The following PKHD1L1 variants were observed in gnomAD, a reference collection of about 807,000 sequenced individuals.
The protein encoded by PKHD1L1 is fibrocystin-L.
A neutral mutation model predicts 462.9 loss-of-function variants in PKHD1L1; 434 were observed. That is an observed-to-expected ratio of 0.94 (90% CI 0.87 to 1.02). The LOEUF is 1.02. Among genes scored for constraint, PKHD1L1 ranks in the 50% least tolerant of loss-of-function variants. PKHD1L1 has a pLI of 0.00. For missense variants in PKHD1L1, 5,202 were observed against 5,096.1 expected (o/e 1.02, Z -0.63); for synonymous variants, 1,781 against 1,750.0 (o/e 1.02, Z -0.44).
chr8:109,514,267 G>A (rs1008961004), intron 71 of PKHD1L1, among the ~76,000 whole-genome samples: 1 of 152,030 alleles, frequency 6.6e-6, no homozygotes, highest in Non-Finnish European at 1.5e-5. Context: ...ACGCCTCCTT[G>A]CTTGGCTCTC....
At chr8:109,395,922 C>G (rs548475588) in intron 10 of PKHD1L1, 105 bp from the exon 11 acceptor site, 1 of 681,046 alleles carries the variant, frequency 1.5e-6, no homozygotes, top group Non-Finnish European at 2.6e-6. Flanking sequence ...AATCTACTAC[C>G]TGTGTTAGGC....
At position 109,530,478 on chromosome 8, in the gene PKHD1L1, G is replaced by GGGTT. The variant is rs1366685259; in HGVS notation, c.*390_*391insTTGG. Reference sequence around the variant, plus strand: ...GTATTCTTTTTAATACTTGAGGGGGGGGGTTCTTATTTTCTCTATCCATTT... The same window carrying GGGTT: ...GTATTCTTTTTAATACTTGAGGGGGGGGTTGGGTTCTTATTTTCTCTATCCATTT... On this transcript the variant is annotated 3_prime_UTR_variant, in exon 78 of 78. Coordinates refer to ENST00000378402, the MANE Select transcript of PKHD1L1 (RefSeq NM_177531.6). 6.5e-6 allele frequency: 1 copy of GGGTT among 153,290 alleles called. No individual in the cohort carries two copies. Among genetic ancestry groups the GGGTT allele is most frequent in the Non-Finnish European group, 1.4e-5 (1 of 69,044 alleles). 9.5% of individuals were successfully genotyped at this position (153,290 alleles called of 1,614,324 possible).
At chr8:109,413,992 T>C (rs1813995972) in intron 21 of PKHD1L1, among the ~76,000 whole-genome samples, 1 of 151,958 alleles carries the variant, frequency 6.6e-6, no homozygotes, top group Non-Finnish European at 1.5e-5. Context: ...CACAAAGAAA[T>C]GCAAATAGAG....
intron 67 of PKHD1L1, among the ~76,000 whole-genome samples, chr8:109,503,237 G>A (rs1341238990): frequency 6.4e-5 from 7 of 109,842 alleles, no homozygotes; most frequent in East Asian, 2.8e-4. Flanking sequence ...CCCAGGAGGC[G>A]GAGGTTGCAA....
intron 48 of PKHD1L1, 42 bp downstream of exon 48, chr8:109,461,950 T>A: frequency 6.4e-7 from 1 of 1,559,434 alleles, no homozygotes; most frequent in African/African-American, 1.4e-5. Flanking sequence ...TTGCTCAAGG[T>A]TATCCATACA....
In PKHD1L1 at chr8:109,449,347, G is replaced by C; in HGVS notation, c.6035G>C (p.Gly2012Ala). The C allele has an allele frequency of 1.3e-6, 2 of 1,572,864 alleles. No homozygotes were observed. Among genetic ancestry groups the C allele is most frequent in the South Asian group, 1.2e-5 (1 of 85,470 alleles). Residue 2012 changes from glycine to alanine, a missense_variant, in exon 40 of 78, where the codon GGT becomes GCT. Coordinates refer to ENST00000378402, the MANE Select transcript of PKHD1L1 (RefSeq NM_177531.6). ...TATTTGTCTTCACTAGGGAGCTTTGGTGGGGGTCAAACCATGACTGTGACA... is the reference window on the plus strand; with the variant it reads ...TATTTGTCTTCACTAGGGAGCTTTGCTGGGGGTCAAACCATGACTGTGACA... ...QNINPSQGSFGGGQTMTVTGT... is the reference protein window; with the variant it reads ...QNINPSQGSFAGGQTMTVTGT...
At chr8:109,480,514 T>TA (rs759560765) in intron 55 of PKHD1L1, 4,270 of 361,084 alleles carry the variant, frequency 0.012, 1 homozygote, top group South Asian at 0.02. Context: ...AAACAGTATT[T>TA]AAAAAAAAAA....
At position 109,526,774 on chromosome 8, in the gene PKHD1L1, T is replaced by C; in HGVS notation, c.12485-10T>C. On this transcript the variant is annotated splice_polypyrimidine_tract_variant and intron_variant, in intron 76 of 77. Transcript: ENST00000378402. ...AGGAAATCAAACACTATGATGCTTTTTTTTTCCAGGAAAAAATTATAAGAT... is the reference window on the plus strand; with the variant it reads ...AGGAAATCAAACACTATGATGCTTTCTTTTTCCAGGAAAAAATTATAAGAT... 1.3e-6 allele frequency: 2 copies of C among 1,543,604 alleles called. No individual in the cohort carries two copies. Among genetic ancestry groups the C allele is most frequent in the Non-Finnish European group, 1.8e-6 (2 of 1,141,462 alleles).
In PKHD1L1 at chr8:109,479,557, G is replaced by C; in HGVS notation, c.9096G>C (p.Trp3032Cys). The C allele has an allele frequency of 6.6e-7, 1 of 1,505,100 alleles. No homozygotes were observed. The highest frequency in any genetic ancestry group is 9.1e-7 in the Non-Finnish European group (1 of 1,093,840). The allele number at this position is 1,505,100 out of a possible 1,614,324, so 93.2% of individuals were successfully genotyped here. A position where few individuals can be genotyped will look rare whatever the true frequency, so the allele number is the denominator to read the frequency against. ...PKKRPATYNLWSNDSFWQSSR... is the reference protein window; with the variant it reads ...PKKRPATYNLCSNDSFWQSSR... ...ATTTCTCTTCTCTTTTCAGTTTATG[G>C]TCAAATGATTCTTTTTGGCAATCAT... Residue 3032 changes from tryptophan (W) to cysteine (C), a missense_variant, in exon 54 of 78, where the codon TGG (tryptophan) becomes TGC (cysteine). Around this residue, in one of 3 missense-constraint regions of PKHD1L1, gnomAD observed 4,497 missense variants for 4,336.8 expected, o/e 1.04. Transcript: ENST00000378402.
chr8:109,495,377 G>A (rs1819033445), intron 63 of PKHD1L1, among the ~76,000 whole-genome samples: 1 of 152,036 alleles, frequency 6.6e-6, no homozygotes, highest in African/African-American at 2.4e-5. Flanking sequence ...ATAATGCTAT[G>A]TAATGCATTT....
chr8:109,395,641 T>C (rs1163189746), intron 10 of PKHD1L1, among the ~76,000 whole-genome samples: 1 of 152,214 alleles, frequency 6.6e-6, no homozygotes, highest in Non-Finnish European at 1.5e-5. Flanking sequence ...TGTGTTACTC[T>C]AAAAGAAAAT....
At chr8:109,528,424 A>T (rs1820923216) in intron 77 of PKHD1L1, among the ~76,000 whole-genome samples, 1 of 152,206 alleles carries the variant, frequency 6.6e-6, no homozygotes, top group South Asian at 2.1e-4. Flanking sequence ...CACTACATGC[A>T]AAAAATATAA....
At chr8:109,393,958 G>A (rs946657060) in intron 9 of PKHD1L1, among the ~76,000 whole-genome samples, 1 of 151,976 alleles carries the variant, frequency 6.6e-6, no homozygotes, top group African/African-American at 2.4e-5. Context: ...TGGATCACGA[G>A]GTTAAGGGAT....
intron 51 of PKHD1L1, among the ~76,000 whole-genome samples, chr8:109,475,921 TA>T (rs33994812): frequency 7.3e-5 from 11 of 150,176 alleles, no homozygotes; most frequent in African/African-American, 2.7e-4. Flanking sequence ...TTCTAATTTA[TA>T]AAAAAAGTAA....
At chr8:109,460,727 C>A (rs1358232232) in intron 47 of PKHD1L1, among the ~76,000 whole-genome samples, 10 of 152,084 alleles carry the variant, frequency 6.6e-5, no homozygotes, top group Non-Finnish European at 1.2e-4. Flanking sequence ...CAAACAAGCC[C>A]AAAATGTCAG....
intron 67 of PKHD1L1, among the ~76,000 whole-genome samples, chr8:109,502,739 T>C (rs1335695228): frequency 6.6e-6 from 1 of 152,226 alleles, no homozygotes; most frequent in Non-Finnish European, 1.5e-5. Context: ...GAAGGTATGC[T>C]CTCAGGAGAA....
intron 18 of PKHD1L1, 106 bp downstream of exon 18, chr8:109,408,312 C>A: frequency 9.6e-7 from 1 of 1,045,644 alleles, no homozygotes; most frequent in East Asian, 2.7e-5. Flanking sequence ...CAAAAAAAAT[C>A]ACTGCAAATT....
intron 2 of PKHD1L1, among the ~76,000 whole-genome samples, chr8:109,366,732 G>A (rs1157604779): frequency 7.1e-6 from 1 of 140,216 alleles, no homozygotes; most frequent in Non-Finnish European, 1.5e-5. Context: ...CACTCTTGTC[G>A]TCCAGGCTGG....
At position 109,389,072 on chromosome 8, in the gene PKHD1L1, T is replaced by A. The variant is rs779853543; in HGVS notation, c.624-7T>A. ...ATAAGCTTTGACATTAACTTTTTTT[T>A]AATTAGATATGGTCTAAAACTGGAT... On this transcript the variant is annotated splice_polypyrimidine_tract_variant and splice_region_variant and intron_variant, in intron 7 of 77. Transcript: ENST00000378402. 31 of 1,579,880 alleles carry A rather than the reference T, an allele frequency of 2.0e-5. No individual in the cohort carries two copies. Among genetic ancestry groups the A allele is most frequent in the Middle Eastern group, 1.7e-4 (1 of 6,000 alleles).
Sources: allele counts gnomAD v4.1 joint callset (sites outside exome capture counted in the v4.1 genomes callset), GRCh38; gene constraint gnomAD v4.1.1; regional missense constraint gnomAD v4.1.1; transcripts MANE v1.5; gene names NCBI Gene and HGNC (gene_info 2026-07-23, HGNC 2026-07-21).